Variants in GNPTAB observed in about 807,000 individuals in gnomAD.
The protein encoded by GNPTAB is N-acetylglucosamine-1-phosphate transferase subunits alpha and beta, also known as N-acetylglucosamine-1-phosphotransferase subunits alpha/beta.
A neutral mutation model predicts 136.6 loss-of-function variants in GNPTAB; 92 were observed. That is an observed-to-expected ratio of 0.67 (90% CI 0.57 to 0.80). The LOEUF (loss-of-function observed/expected upper bound fraction) is 0.80. GNPTAB is among the 30% of genes least tolerant of loss of function. GNPTAB has a pLI of 0.00. For missense variants in GNPTAB, 1,343 were observed against 1,501.8 expected, an observed-to-expected ratio of 0.89 and a Z score of 1.75; for synonymous variants, 512 against 535.1, an observed-to-expected ratio of 0.96 and a Z score of 0.60.
chr12:101,819,591 T>C (rs926318419), intron 1 of GNPTAB, among the ~76,000 whole-genome samples: 1 of 152,148 alleles, frequency 6.6e-6, no homozygotes, highest in Non-Finnish European at 1.5e-5. Context: ...AAGTGGGCAA[T>C]ATGGTTTTTA....
At chr12:101,769,989 G>A (rs767924511) in intron 10 of GNPTAB, 32 bp downstream of exon 10, 4 of 1,603,760 alleles carry the variant, frequency 2.5e-6, no homozygotes, top group Non-Finnish European at 2.6e-6. Flanking sequence ...TGACTTCCAC[G>A]CTAGACAACC....
chr12:101,773,949 G>C (rs1047602472), intron 7 of GNPTAB, among the ~76,000 whole-genome samples: 1 of 152,144 alleles, frequency 6.6e-6, no homozygotes, highest in African/African-American at 2.4e-5. Context: ...TTCTGCAAAA[G>C]GGAACAACTT....
intron 10 of GNPTAB, among the ~76,000 whole-genome samples, chr12:101,769,597 TA>T (rs1426838863): frequency 1.3e-5 from 2 of 152,064 alleles, no homozygotes; most frequent in Non-Finnish European, 2.9e-5. Flanking sequence ...TATCTATATA[TA>T]TTTTTTTATT....
intron 1 of GNPTAB, among the ~76,000 whole-genome samples, chr12:101,801,551 A>G (rs1245911212): frequency 7.0e-6 from 1 of 142,640 alleles, no homozygotes; most frequent in African/African-American, 2.5e-5. Flanking sequence ...AAAAAAAAAA[A>G]AAAAAAAAAA....
chr12:101,791,328 T>C (rs1868975587), intron 2 of GNPTAB, among the ~76,000 whole-genome samples: 1 of 152,194 alleles, frequency 6.6e-6, no homozygotes, highest in African/African-American at 2.4e-5. Context: ...CAGGAGTTCA[T>C]GTGTACATCT....
Position 101,786,098 on chromosome 12 carries a change from T to C in GNPTAB, c.485A>G (p.His162Arg). ...AACATTGAAAATGTCACTGGCAGAA[T>C]GAAAAGAAGGATAAAGAGATGGCAG... ...KDLPSLYPSF[H>R]SASDIFNVAK... Residue 162 changes from histidine (H) to arginine (R), a missense_variant, in exon 5 of 21, where the codon CAT becomes CGT. Physicochemically the swap from His to Arg is conservative, Grantham distance 29. Transcript: ENST00000299314. The C allele has an allele frequency of 6.2e-7, 1 of 1,614,062 alleles. No homozygotes were observed. Among genetic ancestry groups the C allele is most frequent in the Non-Finnish European group, 8.5e-7 (1 of 1,179,990 alleles).
chr12:101,782,421 G>A lies in GNPTAB; in HGVS notation c.572-1800C>T, dbSNP rs939987109. Among the ~76,000 whole-genome samples, 3 of 152,028 alleles carry A rather than the reference G, an allele frequency of 2.0e-5. No homozygotes were observed. The East Asian group carries it at 5.8e-4, about 29-fold the overall frequency. On this transcript the variant is annotated intron_variant, in intron 5 of 20. Coordinates refer to ENST00000299314, the MANE Select transcript of GNPTAB (RefSeq NM_024312.5). ...GTGCTTTTAAACAGAAGTAAAGTAC[G>A]TCGAATAAAAAAGGTGATGATGTTC... is the stretch of plus-strand genomic sequence containing the variant.
chr12:101,753,283 TAA>T, intron 19 of GNPTAB, 87 bp downstream of exon 19: 1 of 1,127,308 alleles, frequency 8.9e-7, no homozygotes, highest in Non-Finnish European at 1.3e-6. Context: ...AGAAATTTCA[TAA>T]AAAAAACATT....
At chr12:101,769,960 C>G (rs1953146058) in intron 10 of GNPTAB, 61 bp downstream of exon 10, 5 of 1,462,040 alleles carry the variant, frequency 3.4e-6, no homozygotes, top group South Asian at 3.4e-5. Context: ...TATGTGCACT[C>G]ATTTTCTGAT....
chr12:101,753,548 ACAGAGAGC>A lies in GNPTAB; in HGVS notation c.3435-17_3435-10del, dbSNP rs1952854697. 1 of 1,610,586 alleles carries A rather than the reference ACAGAGAGC, an allele frequency of 6.2e-7. No individual in the cohort carries two copies. Among genetic ancestry groups the A allele is most frequent in the African/African-American group, 1.3e-5 (1 of 74,320 alleles). On this transcript the variant is annotated splice_polypyrimidine_tract_variant and intron_variant, in intron 18 of 20. Coordinates refer to ENST00000299314, the MANE Select transcript of GNPTAB (RefSeq NM_024312.5). ...TCAGGCAAACAAACTTCCTGAAATAACAGAGAGCCAGGGTTATTAGTTACATATGGATA... is the reference window on the plus strand; with the variant it reads ...TCAGGCAAACAAACTTCCTGAAATAACAGGGTTATTAGTTACATATGGATA...
At chr12:101,759,394 G>A (rs1351388872) in intron 16 of GNPTAB, among the ~76,000 whole-genome samples, 8 of 127,142 alleles carry the variant, frequency 6.3e-5, no homozygotes, top group Non-Finnish European at 1.2e-4. Context: ...ATTACTTTGT[G>A]AAAAAGAGCC....
At chr12:101,748,582 GC>G (rs1201564261) in intron 20 of GNPTAB, among the ~76,000 whole-genome samples, 1 of 152,200 alleles carries the variant, frequency 6.6e-6, no homozygotes, top group Non-Finnish European at 1.5e-5. Flanking sequence ...GCAGAGGAAA[GC>G]CCAGGTGTAG....
chr12:101,803,174 G>A (rs925871967), intron 1 of GNPTAB, among the ~76,000 whole-genome samples: 12 of 152,088 alleles, frequency 7.9e-5, no homozygotes, highest in Non-Finnish European at 1.5e-4. Flanking sequence ...CTCTAACCTT[G>A]TCTTCCCTCC....
At chr12:101,785,316 C>T (rs1195227883) in intron 5 of GNPTAB, among the ~76,000 whole-genome samples, 1 of 152,212 alleles carries the variant, frequency 6.6e-6, no homozygotes, top group African/African-American at 2.4e-5. Context: ...GATCCTCCTG[C>T]CTTAGCCTCC....
rs1953156564 is a variant in GNPTAB at position 101,770,568 on chromosome 12, G to A, written c.951C>T (p.Asp317=). 5.0e-6 allele frequency: 8 copies of A among 1,612,126 alleles called. No individual in the cohort carries two copies. Residue 317 remains aspartate (D), a synonymous_variant, in exon 9 of 21, where the codon GAC becomes GAT. Coordinates refer to ENST00000299314, the MANE Select transcript of GNPTAB (RefSeq NM_024312.5). ...TATCTTCAAAACGACTGGCAGAGAT[G>A]TCTTCATCCTGCTTAGACTGAGAAA... ...SAISQSKQDE[D]ISASRFEDNE...
chr12:101,780,008 G>A (rs898855673), intron 7 of GNPTAB, 144 bp downstream of exon 7: 4 of 824,574 alleles, frequency 4.9e-6, no homozygotes, highest in Non-Finnish European at 8.2e-6. Context: ...AGTAAGGAGT[G>A]AGGCTCTTCT....
chr12:101,760,308 A>C (rs1156660701), intron 15 of GNPTAB, among the ~76,000 whole-genome samples, 165 bp from the exon 16 acceptor site: 2 of 152,222 alleles, frequency 1.3e-5, no homozygotes, highest in Admixed American at 1.3e-4. Flanking sequence ...GAAGAGCAGA[A>C]TGAGACAATG....
rs1952740327 is a variant in GNPTAB, at chr12:101,746,719, T to C, written c.*445A>G. 1 of 164,580 alleles carries C rather than the reference T, an allele frequency of 6.1e-6. No individual in the cohort carries two copies. The highest frequency in any genetic ancestry group is 1.7e-4 in the South Asian group (1 of 6,000). The allele number at this position is 164,580 out of a possible 1,614,324, so 10.2% of individuals were successfully genotyped here. On this transcript the variant is annotated 3_prime_UTR_variant, in exon 21 of 21. Transcript: ENST00000299314. ...CAGAAGCAAGAATAACTAGTTAACT[T>C]AGTAACTACTTAAAAATGGGAAATG...
intron 13 of GNPTAB, among the ~76,000 whole-genome samples, chr12:101,762,689 T>C (rs1953018165): frequency 6.6e-6 from 1 of 151,976 alleles, no homozygotes; most frequent in African/African-American, 2.4e-5. Flanking sequence ...TATATGTAAA[T>C]TTACACTATA....
Sources: gnomAD v4.1 joint callset for allele counts (sites outside exome capture counted in the v4.1 genomes callset) on GRCh38, gnomAD v4.1.1 for gene constraint, MANE v1.5 for transcripts, NCBI Gene and HGNC (gene_info 2026-07-23, HGNC 2026-07-21) for gene names.